USP13: variants seen among roughly 807,000 people sequenced by gnomAD.
The protein encoded by USP13 is ubiquitin specific peptidase 13, also known as ubiquitin carboxyl-terminal hydrolase 13.
Under a neutral mutation model 107.8 loss-of-function variants are expected in USP13, and 68 were observed. That is an observed-to-expected ratio of 0.63 (90% CI 0.52 to 0.77). USP13 has a LOEUF of 0.77. Ranked by LOEUF, USP13 falls within the 30% of genes least tolerant of loss-of-function variation. The probability of loss-of-function intolerance (pLI) is 0.00; values close to 1 mark genes in which losing one functional copy is unlikely to be tolerated. For missense variants in USP13, 945 were observed against 1,093.3 expected, an observed-to-expected ratio of 0.86 and a Z score of 1.91; for synonymous variants, 377 against 389.5, an observed-to-expected ratio of 0.97 and a Z score of 0.38.
chr3:179,668,392 C>T (rs973770214), intron 1 of USP13, among the ~76,000 whole-genome samples: 3 of 152,202 alleles, frequency 2.0e-5, no homozygotes, highest in Non-Finnish European at 4.4e-5. Flanking sequence ...CCTGGGATTA[C>T]ATGCGTTTGT....
intron 6 of USP13, among the ~76,000 whole-genome samples, chr3:179,718,771 CTTTTT>C (rs139916834): frequency 6.7e-6 from 1 of 148,720 alleles, no homozygotes; most frequent in Non-Finnish European, 1.5e-5. Context: ...CTTTTCTTTT[CTTTTT>C]TTTTTGAGAT....
intron 4 of USP13, among the ~76,000 whole-genome samples, chr3:179,704,801 G>A (rs1053370710): frequency 1.3e-5 from 2 of 152,160 alleles, no homozygotes; most frequent in African/African-American, 4.8e-5. Flanking sequence ...ATTAAGTCCC[G>A]ATCTCTAATG....
intron 19 of USP13, among the ~76,000 whole-genome samples, chr3:179,768,477 T>C (rs1262317145): frequency 2.0e-5 from 3 of 152,120 alleles, no homozygotes; most frequent in Non-Finnish European, 4.4e-5. Context: ...ACCAAGGGAT[T>C]GAGGGTGAGA....
chr3:179,783,898 G>A, intron 20 of USP13, 150 bp from the exon 21 acceptor site: 1 of 547,862 alleles, frequency 1.8e-6, no homozygotes. Context: ...TTCCCTACCA[G>A]CATTCTGTCC....
At chr3:179,745,457 T>C (rs1429657161) in intron 13 of USP13, among the ~76,000 whole-genome samples, 1 of 152,050 alleles carries the variant, frequency 6.6e-6, no homozygotes, top group Non-Finnish European at 1.5e-5. Flanking sequence ...TTTTCTTTTT[T>C]TAAATGTAAG....
chr3:179,653,686 G>C lies in USP13; in HGVS notation c.168+293G>C, dbSNP rs930303542. The C allele has an allele frequency of 1.0e-5, 4 of 383,936 alleles. No homozygotes were observed. The highest frequency in any genetic ancestry group is 4.2e-5 in the Admixed American group (1 of 23,642). 23.8% of individuals were successfully genotyped at this position (383,936 alleles called of 1,614,324 possible). A position where few individuals can be genotyped will look rare whatever the true frequency, so the allele number is the denominator to read the frequency against. On this transcript the variant is annotated intron_variant, in intron 1 of 20. Transcript: ENST00000263966. This position sits in a 1 kb window ranked among gnomAD's most constrained non-coding sequence, Gnocchi z 4.0. Reference sequence around the variant, plus strand: ...GTTTAAAGATAGATGAAATACAAGAGTTCCCTGTTCCGAACTGCACGTTGC... The same window carrying C: ...GTTTAAAGATAGATGAAATACAAGACTTCCCTGTTCCGAACTGCACGTTGC...
chr3:179,779,036 AGCTTGAAGGTCAGG>A (rs1715649593), intron 19 of USP13, among the ~76,000 whole-genome samples: 1 of 152,124 alleles, frequency 6.6e-6, no homozygotes, highest in African/African-American at 2.4e-5. Flanking sequence ...AAGGTATAAC[AGCTTGAAGGTCAGG>A]GCTTGCCAAG....
chr3:179,759,644 T>C (rs1043748600), intron 16 of USP13, among the ~76,000 whole-genome samples: 2 of 152,224 alleles, frequency 1.3e-5, no homozygotes, highest in Non-Finnish European at 2.9e-5. Flanking sequence ...TAGGATGTTC[T>C]ATGTATCTTC....
intron 3 of USP13, among the ~76,000 whole-genome samples, chr3:179,695,850 G>A (rs903910928): frequency 6.6e-6 from 1 of 152,036 alleles, no homozygotes. Context: ...TAGTCCCTAG[G>A]GAGCCATTAA....
chr3:179,667,716 G>T (rs548812048), intron 1 of USP13, among the ~76,000 whole-genome samples: 1 of 152,116 alleles, frequency 6.6e-6, no homozygotes, highest in Admixed American at 6.6e-5. Flanking sequence ...GAGCAATCTC[G>T]GCTCGCCGCA....
rs148389438 is a variant in USP13, at chr3:179,761,405, TTTC to T, written c.2092+159_2092+161del. 192 of 1,110,404 alleles carry T rather than the reference TTTC, an allele frequency of 1.7e-4. No individual in the cohort carries two copies. The African/African-American group carries it at 2.2e-3, about 13-fold the overall frequency. The allele number at this position is 1,110,404 out of a possible 1,614,324, so 68.8% of individuals were successfully genotyped here. A position where few individuals can be genotyped will look rare whatever the true frequency, so the allele number is the denominator to read the frequency against. On this transcript the variant is annotated intron_variant, in intron 17 of 20. Transcript: ENST00000263966. ...TGCAGTGGAGGAGAAAGCCAGTCTT[TTTC>T]TTCTTCTTTTTTTTTTTAAAAACAG...
chr3:179,723,546 G>C lies in USP13; in HGVS notation c.1088+1957G>C, dbSNP rs1254056534. ...CCTATGAAGAAGGGACACACATCCT[G>C]ATGCATGTGCAGGAGGAGTGAAGAC... On this transcript the variant is annotated intron_variant, in intron 8 of 20. Transcript: ENST00000263966. Among the ~76,000 whole-genome samples, 3 of 152,336 alleles carry C rather than the reference G, an allele frequency of 2.0e-5. No homozygotes were observed. In the East Asian group the frequency reaches 5.8e-4, roughly 29 times the overall value.
At chr3:179,673,010 G>C (rs919167492) in intron 1 of USP13, among the ~76,000 whole-genome samples, 1 of 152,186 alleles carries the variant, frequency 6.6e-6, no homozygotes, top group Non-Finnish European at 1.5e-5. Context: ...CTTTCCTGAA[G>C]AACCATGTGA....
chr3:179,738,532 C>T (rs1026883673), intron 10 of USP13, among the ~76,000 whole-genome samples: 2 of 152,158 alleles, frequency 1.3e-5, no homozygotes, highest in Non-Finnish European at 2.9e-5. Flanking sequence ...GACTAGTGTC[C>T]GCTTTCTAGG....
Position 179,681,942 on chromosome 3 carries a change from A to G in USP13, c.233A>G (p.Glu78Gly). The G allele has an allele frequency of 1.2e-6, 2 of 1,614,130 alleles. No homozygotes were observed. The highest frequency in any genetic ancestry group is 1.7e-6 in the Non-Finnish European group (2 of 1,179,992). The change falls in exon 2 of 21, where the codon GAA becomes GGA. Residue 78 changes from glutamate (E) to glycine (G), a missense_variant. Coordinates refer to ENST00000263966, the MANE Select transcript of USP13 (RefSeq NM_003940.3). The stretch of plus-strand genomic sequence containing the variant: ...TTGGCCTTTGGAAGGGAACATGTTG[A>G]AAGACATTTTCGAAAAACTGGACAG... ...TFLAFGREHV[E>G]RHFRKTGQSV... is the part of the protein sequence containing the mutation.
chr3:179,770,105 T>G (rs1715300986), intron 19 of USP13, among the ~76,000 whole-genome samples: 1 of 152,194 alleles, frequency 6.6e-6, no homozygotes, highest in South Asian at 2.1e-4. Flanking sequence ...GTTATTTTTC[T>G]TCTCGTGTTA....
intron 19 of USP13, among the ~76,000 whole-genome samples, chr3:179,775,480 G>A (rs1019930361): frequency 7.2e-5 from 11 of 152,376 alleles, no homozygotes; most frequent in Non-Finnish European, 1.2e-4. Flanking sequence ...TGCCAGGGCC[G>A]TGGGTGGAGC....
chr3:179,730,643 A>G lies in USP13; in HGVS notation c.1188A>G (p.Ser396=). The G allele has an allele frequency of 6.2e-7, 1 of 1,614,122 alleles. No individual in the cohort carries two copies. The highest frequency in any genetic ancestry group is 1.1e-5 in the South Asian group (1 of 91,064). ...CTAAGTTAGGACATGGCCTTCTCTCAGGCCAGTATTCAAAGCCTCCGGTGA... is the reference window on the plus strand; with the variant it reads ...CTAAGTTAGGACATGGCCTTCTCTCGGGCCAGTATTCAAAGCCTCCGGTGA... The part of the protein sequence containing the change: ...QMTKLGHGLL[S]GQYSKPPVKS... Residue 396 remains serine (S), a synonymous_variant, in exon 10 of 21, where the codon TCA becomes TCG. Coordinates refer to ENST00000263966, the MANE Select transcript of USP13 (RefSeq NM_003940.3).
chr3:179,769,033 A>G (rs1291718973), intron 19 of USP13, among the ~76,000 whole-genome samples: 5 of 152,234 alleles, frequency 3.3e-5, no homozygotes, highest in African/African-American at 4.8e-5. Flanking sequence ...TGACAAAATA[A>G]TGTTTTGTTT....
Sources: gnomAD v4.1 joint callset for allele counts (sites outside exome capture counted in the v4.1 genomes callset) on GRCh38, gnomAD v4.1.1 for gene constraint, Gnocchi (gnomAD v3.1) non-coding constraint, MANE v1.5 for transcripts, NCBI Gene and HGNC (gene_info 2026-07-23, HGNC 2026-07-21) for gene names.